TTF2: variants seen among roughly 807,000 people sequenced by gnomAD.
TTF2 encodes the protein RNA polymerase II termination factor.
In TTF2, 108 loss-of-function variants were observed where a neutral mutation model predicts 142.4. That is an observed-to-expected ratio of 0.76 (90% CI 0.65 to 0.89). The LOEUF is 0.89. Ranked by LOEUF, TTF2 falls within the 40% of genes least tolerant of loss-of-function variation. The pLI is 0.00. For synonymous variants in TTF2, 483 were observed against 506.2 expected, an observed-to-expected ratio of 0.95 and a Z score of 0.61; for missense variants, 1,327 against 1,379.8, an observed-to-expected ratio of 0.96 and a Z score of 0.61.
chr1:117,076,050 G>A lies in TTF2; in HGVS notation c.1276-130G>A. 7.7e-7 allele frequency: 1 copy of A among 1,302,446 alleles called. No homozygotes were observed. Among genetic ancestry groups the A allele is most frequent in the Non-Finnish European group, 1.0e-6 (1 of 965,944 alleles). The allele number at this position is 1,302,446 out of a possible 1,614,324, so 80.7% of individuals were successfully genotyped here. On this transcript the variant is annotated intron_variant, in intron 5 of 22. Coordinates refer to ENST00000369466, the MANE Select transcript of TTF2 (RefSeq NM_003594.4). This position sits in a 1 kb window ranked among gnomAD's most constrained non-coding sequence, Gnocchi z 4.6. Reference sequence around the variant, plus strand: ...CCAGCTGGGTTAAAATTTAAAAAAGGTTCTGGTTTTTGCACACATATTTAA... The same window carrying A: ...CCAGCTGGGTTAAAATTTAAAAAAGATTCTGGTTTTTGCACACATATTTAA...
At position 117,098,866 on chromosome 1, in the gene TTF2, A is replaced by G. The variant is rs148067611; in HGVS notation, c.3303A>G (p.Arg1101=). Residue 1101 remains arginine, a synonymous_variant, in exon 22 of 23, where the codon CGA becomes CGG. Coordinates refer to ENST00000369466, the MANE Select transcript of TTF2 (RefSeq NM_003594.4). ...CACTTGAAGATCAAGCTTGTGACCG[A>G]ATTTACCGAGTAGGGCAGCAGAAAG... is the stretch of plus-strand genomic sequence containing the variant. ...NPSLEDQACD[R]IYRVGQQKDV... is the part of the protein sequence containing the mutation. 5.1e-5 allele frequency: 82 copies of G among 1,612,250 alleles called. No individual in the cohort carries two copies. The highest frequency in any genetic ancestry group is 6.8e-5 in the Non-Finnish European group (80 of 1,179,544).
At position 117,075,218 on chromosome 1, in the gene TTF2, C is replaced by T; in HGVS notation, c.634C>T (p.His212Tyr). 1 of 1,614,184 alleles carries T rather than the reference C, an allele frequency of 6.2e-7. No homozygotes were observed. The highest frequency in any genetic ancestry group is 8.5e-7 in the Non-Finnish European group (1 of 1,180,030). ...IQCEAETGGT[H>Y]KRDFSEIKSQ... ...GTGTGAGGCAGAGACTGGAGGCACA[C>T]ACAAAAGAGACTTTTCTGAAATTAA... is the stretch of plus-strand genomic sequence containing the variant. The change falls in exon 5 of 23, where the codon CAC becomes TAC. Residue 212 changes from histidine (H) to tyrosine (Y), a missense_variant. Transcript: ENST00000369466. The surrounding 1 kb of genome is among the most constrained non-coding windows in gnomAD (Gnocchi z 4.5).
intron 10 of TTF2, among the ~76,000 whole-genome samples, chr1:117,083,013 T>C (rs1647664181): frequency 6.6e-6 from 1 of 151,592 alleles, no homozygotes. Context: ...GAGGCTGAGG[T>C]GGGCGGATAA....
Position 117,086,520 on chromosome 1 carries a change from G to T in TTF2, c.2158G>T (p.Glu720Ter). Residue 720 changes from glutamate (E) to a stop codon, truncating the protein, a stop_gained and splice_region_variant, in exon 12 of 23, where the codon GAG becomes TAG. Coordinates refer to ENST00000369466, the MANE Select transcript of TTF2 (RefSeq NM_003594.4). LOFTEE classifies it high-confidence loss of function. This position sits in a 1 kb window ranked among gnomAD's most constrained non-coding sequence, Gnocchi z 4.2. ...GATCCCAGGTGCAAACCTCAATGTG[G>T]AGGTGAGGCTGGGGGGCAGCCAGGG... The part of the protein sequence containing the change: ...AEIPGANLNV[E>*]GTSTPLLRIA... The T allele has an allele frequency of 6.2e-7, 1 of 1,613,192 alleles. No homozygotes were observed. The highest frequency in any genetic ancestry group is 8.5e-7 in the Non-Finnish European group (1 of 1,179,346).
rs1227459455 is a variant in TTF2, at chr1:117,090,767, A to G, written c.2588+144A>G. 7 of 722,564 alleles carry G rather than the reference A, an allele frequency of 9.7e-6. No homozygotes were observed. The highest frequency in any genetic ancestry group is 5.6e-5 in the African/African-American group (3 of 54,022). The allele number at this position is 722,564 out of a possible 1,614,324, so 44.8% of individuals were successfully genotyped here. ...TGTATTCCCTTTTTTTTTTTACCCCATTTTTCTCCTTCTCCCCTCCCCAGC... is the reference window on the plus strand; with the variant it reads ...TGTATTCCCTTTTTTTTTTTACCCCGTTTTTCTCCTTCTCCCCTCCCCAGC... On this transcript the variant is annotated intron_variant, in intron 15 of 22. Transcript: ENST00000369466. This position sits in a 1 kb window ranked among gnomAD's most constrained non-coding sequence, Gnocchi z 4.8.
At chr1:117,094,809 A>G (rs988078575) in intron 18 of TTF2, 1 of 367,944 alleles carries the variant, frequency 2.7e-6, no homozygotes, top group African/African-American at 2.2e-5. Flanking sequence ...GGACCGTGAT[A>G]ATAGAAACAA....
At chr1:117,089,513 A>AC (rs1304718231) in intron 13 of TTF2, among the ~76,000 whole-genome samples, 2 of 151,646 alleles carry the variant, frequency 1.3e-5, no homozygotes, top group African/African-American at 2.4e-5. Context: ...GTAAAATGAG[A>AC]CCCCACCTCT....
At chr1:117,089,855 T>C (rs1025124946) in intron 13 of TTF2, among the ~76,000 whole-genome samples, 200 bp from the exon 14 acceptor site, 3 of 152,212 alleles carry the variant, frequency 2.0e-5, no homozygotes, top group African/African-American at 7.2e-5. Flanking sequence ...CTCACATTTT[T>C]ATAATGTGGT....
At chr1:117,072,489 A>G (rs544271641) in intron 3 of TTF2, among the ~76,000 whole-genome samples, 4 of 146,198 alleles carry the variant, frequency 2.7e-5, no homozygotes, top group Non-Finnish European at 4.4e-5. Flanking sequence ...CAGTGGTGCA[A>G]TCTCGGCTCA....
At position 117,099,649 on chromosome 1, in the gene TTF2, A is replaced by G. The variant is rs1307455472; in HGVS notation, c.3344+742A>G. Among the ~76,000 whole-genome samples the G allele has an allele frequency of 6.6e-6, 1 of 152,184 alleles. No individual in the cohort carries two copies. Among genetic ancestry groups the G allele is most frequent in the Non-Finnish European group, 1.5e-5 (1 of 68,024 alleles). ...GGACCCCCTTGTCTTTAAAAACAAC[A>G]AAACCTGCCTTAATGCTGCCAATCC... On this transcript the variant is annotated intron_variant, in intron 22 of 22. Coordinates refer to ENST00000369466, the MANE Select transcript of TTF2 (RefSeq NM_003594.4). The surrounding 1 kb of genome is among the most constrained non-coding windows in gnomAD (Gnocchi z 4.3).
chr1:117,068,858 G>A (rs1473102475), intron 3 of TTF2, among the ~76,000 whole-genome samples: 2 of 152,190 alleles, frequency 1.3e-5, no homozygotes, highest in Non-Finnish European at 2.9e-5. Flanking sequence ...TGCAGTGCGA[G>A]CAATCCCTTT....
rs762769830 is a variant in TTF2 at position 117,091,357 on chromosome 1, A to G, written c.2618A>G (p.His873Arg). ...RSALQSYLKRHESRGNQSGRS... is the reference protein window; with the variant it reads ...RSALQSYLKRRESRGNQSGRS... ...GCTCTGCAATCCTATCTAAAAAGAC[A>G]TGAAAGTAGAGGCAACCAATCTGGA... Residue 873 changes from histidine to arginine, a missense_variant, in exon 16 of 23, where the codon CAT becomes CGT. His to Arg is a conservative substitution (Grantham distance 29, BLOSUM62 0). Transcript: ENST00000369466. 6.2e-7 allele frequency: 1 copy of G among 1,613,400 alleles called. No homozygotes were observed. The highest frequency in any genetic ancestry group is 8.5e-7 in the Non-Finnish European group (1 of 1,179,892).
At position 117,084,109 on chromosome 1, in the gene TTF2, C is replaced by G. The variant is rs372044989; in HGVS notation, c.1995C>G (p.Asn665Lys). The change falls in exon 11 of 23, where the codon AAC (asparagine) becomes AAG (lysine). Residue 665 changes from asparagine (N) to lysine (K), a missense_variant. Asn to Lys is a moderately conservative substitution (Grantham distance 94, BLOSUM62 0). Transcript: ENST00000369466. ...HWKNEVEKRV[N>K]SNKLRVYLYH... ...AAAATGAGGTGGAGAAACGGGTGAA[C>G]AGCAACAAACTAAGAGTCTATCTCT... 3 of 1,614,016 alleles carry G rather than the reference C, an allele frequency of 1.9e-6. No individual in the cohort carries two copies. Among genetic ancestry groups the G allele is most frequent in the African/African-American group, 2.7e-5 (2 of 74,914 alleles).
At chr1:117,091,222 C>A in intron 15 of TTF2, 106 bp from the exon 16 acceptor site, 1 of 861,722 alleles carries the variant, frequency 1.2e-6, no homozygotes, top group Non-Finnish European at 1.7e-6. Flanking sequence ...AGCTTGGCAT[C>A]ATTTAACAAG....
Position 117,102,716 on chromosome 1 carries a change from T to A in TTF2, c.*1192T>A, listed in dbSNP as rs1235465821. On this transcript the variant is annotated 3_prime_UTR_variant, in exon 23 of 23. Transcript: ENST00000369466. ...TTAGTATTTGGTACAATCTAATAAA[T>A]ACTAATCCAGTCCAATACTAATCCA... 2 of 152,154 alleles carry A rather than the reference T, an allele frequency of 1.3e-5. No homozygotes were observed. Among genetic ancestry groups the A allele is most frequent in the Admixed American group, 6.5e-5 (1 of 15,270 alleles). 9.4% of individuals were successfully genotyped at this position (152,154 alleles called of 1,614,324 possible).
intron 13 of TTF2, among the ~76,000 whole-genome samples, chr1:117,089,260 C>CCATATATATATATATATATATATATA (rs1553198319): frequency 7.3e-6 from 1 of 137,468 alleles, no homozygotes; most frequent in Non-Finnish European, 1.6e-5. Context: ...CAAATATATG[C>CCATATATATATATATATATATATATA]TATATATATA....
Position 117,097,245 on chromosome 1 carries a change from A to G in TTF2, c.3187-106A>G. 2.2e-6 allele frequency: 2 copies of G among 912,984 alleles called. No individual in the cohort carries two copies. The highest frequency in any genetic ancestry group is 3.5e-6 in the Non-Finnish European group (2 of 575,850). 56.6% of individuals were successfully genotyped at this position (912,984 alleles called of 1,614,324 possible). ...ATTTATAACAGCAGAAGGAAATTTGATAGGAACACAGTGCTTATCTGTATT... is the reference window on the plus strand; with the variant it reads ...ATTTATAACAGCAGAAGGAAATTTGGTAGGAACACAGTGCTTATCTGTATT... On this transcript the variant is annotated intron_variant, in intron 20 of 22. Transcript: ENST00000369466. The surrounding 1 kb of genome is among the most constrained non-coding windows in gnomAD (Gnocchi z 4.1).
chr1:117,065,450 T>C (rs953665353), intron 3 of TTF2, among the ~76,000 whole-genome samples: 5 of 152,070 alleles, frequency 3.3e-5, no homozygotes, highest in African/African-American at 1.2e-4. Flanking sequence ...TACTAAAAAT[T>C]AGCCGGGCAT....
chr1:117,082,085 C>G lies in TTF2; in HGVS notation c.1903+138C>G, dbSNP rs758191988. On this transcript the variant is annotated intron_variant, in intron 10 of 22. Coordinates refer to ENST00000369466, the MANE Select transcript of TTF2 (RefSeq NM_003594.4). ...GGAAAACCAGTATTAGATTACTCAC[C>G]TATCATATCATTTCTGATGCTGAGT... The G allele has an allele frequency of 3.4e-5, 42 of 1,245,224 alleles. No individual in the cohort carries two copies. In the East Asian group the frequency reaches 6.2e-4, roughly 18 times the overall value. 77.1% of individuals were successfully genotyped at this position (1,245,224 alleles called of 1,614,324 possible). A position where few individuals can be genotyped will look rare whatever the true frequency, so the allele number is the denominator to read the frequency against.
Sources: gnomAD v4.1 joint callset for allele counts (sites outside exome capture counted in the v4.1 genomes callset) on GRCh38, gnomAD v4.1.1 for gene constraint, Gnocchi (gnomAD v3.1) non-coding constraint, MANE v1.5 for transcripts, NCBI Gene and HGNC (gene_info 2026-07-23, HGNC 2026-07-21) for gene names.